Variants in ANO10 observed in about 807,000 individuals in gnomAD.
ANO10 encodes anoctamin 10.
A neutral mutation model predicts 74.7 loss-of-function variants in ANO10; 77 were observed. The ratio of observed to expected loss-of-function variants is 1.03; its 90% CI spans 0.86 to 1.25. ANO10 has a LOEUF of 1.25. ANO10 is among the 50% of genes most tolerant of loss of function. The pLI is 0.00. For synonymous variants in ANO10, 279 were observed against 284.9 expected, an observed-to-expected ratio of 0.98 and a Z score of 0.21; for missense variants, 721 against 778.1, an observed-to-expected ratio of 0.93 and a Z score of 0.87.
At chr3:43,485,728 T>G in intron 11 of ANO10, 1 of 215,798 alleles carries the variant, frequency 4.6e-6, no homozygotes, top group Non-Finnish European at 9.5e-6. Flanking sequence ...TTCTTTGTCT[T>G]TAACTGAGAT....
In ANO10 at chr3:43,605,723, T is replaced by G; in HGVS notation, c.130A>C (p.Lys44Gln). Reference protein sequence around the residue: ...WLKNRIIAKKKDGGAQLLFRP... With the variant: ...WLKNRIIAKKQDGGAQLLFRP... The stretch of plus-strand genomic sequence containing the variant: ...TGACTATTTTACTCACCTCCATCTT[T>G]TTTTTTAGCTATAATTCTGTTTTTC... Residue 44 changes from lysine to glutamine, a missense_variant, in exon 2 of 13, where the codon AAA (lysine) becomes CAA (glutamine). Coordinates refer to ENST00000292246, the MANE Select transcript of ANO10 (RefSeq NM_018075.5). 1.9e-6 allele frequency: 3 copies of G among 1,613,640 alleles called. No individual in the cohort carries two copies. The highest frequency in any genetic ancestry group is 2.5e-6 in the Non-Finnish European group (3 of 1,179,632).
chr3:43,376,230 A>G (rs775350703), intron 12 of ANO10, among the ~76,000 whole-genome samples: 17 of 152,258 alleles, frequency 1.1e-4, no homozygotes, highest in Non-Finnish European at 2.1e-4. Flanking sequence ...AAAATAAGCC[A>G]TATCTCCTCC....
intron 1 of ANO10, among the ~76,000 whole-genome samples, chr3:43,640,760 T>C (rs369862124): frequency 1.3e-5 from 2 of 152,226 alleles, no homozygotes; most frequent in African/African-American, 4.8e-5. Flanking sequence ...AGGAACCTAA[T>C]GAATAATTAA....
chr3:43,649,278 T>C (rs2083760178), intron 1 of ANO10, among the ~76,000 whole-genome samples: 1 of 152,236 alleles, frequency 6.6e-6, no homozygotes, highest in Admixed American at 6.5e-5. Flanking sequence ...TTATGTTTTG[T>C]TTACCTCACA....
rs561689957 is a variant in ANO10 at position 43,587,659 on chromosome 3, C to T, written c.473-7187G>A. On this transcript the variant is annotated intron_variant, in intron 4 of 12. Coordinates refer to ENST00000292246, the MANE Select transcript of ANO10 (RefSeq NM_018075.5). ...AAGTAATAGACTTTGGGGGTAGCAG[C>T]TTATGGGGAAGGAAAGGAAGTTAAA... 6.6e-5 allele frequency among the ~76,000 whole-genome samples: 10 copies of T among 152,218 alleles called. No homozygotes were observed. The South Asian group carries it at 8.3e-4, about 13-fold the overall frequency.
At position 43,656,949 on chromosome 3, in the gene ANO10, G is replaced by C. The variant is rs532157374; in HGVS notation, c.-12+34568C>G. ...CCCAGGCAGAGGAGGCGCTGAGAGC[G>C]AGCAAGGGCTGTGAGGACTGCCAGC... On this transcript the variant is annotated intron_variant, in intron 1 of 3. Coordinates refer to the ANO10 transcript ENST00000413397. Among the ~76,000 whole-genome samples the C allele has an allele frequency of 2.6e-5, 4 of 152,382 alleles. No individual in the cohort carries two copies. The East Asian group carries it at 5.8e-4, about 22-fold the overall frequency.
intron 1 of ANO10, among the ~76,000 whole-genome samples, chr3:43,649,637 A>T (rs898553825): frequency 1.3e-5 from 2 of 152,226 alleles, no homozygotes; most frequent in African/African-American, 4.8e-5. Context: ...ATTTGAGCAA[A>T]GTGAAAGTAG....
intron 11 of ANO10, among the ~76,000 whole-genome samples, chr3:43,528,591 T>A (rs1018503258): frequency 1.3e-5 from 2 of 151,610 alleles, no homozygotes; most frequent in Non-Finnish European, 2.9e-5. Context: ...AATGAAAATA[T>A]AATAAGGGAC....
At chr3:43,498,382 G>T (rs1436482963) in intron 11 of ANO10, among the ~76,000 whole-genome samples, 3 of 152,214 alleles carry the variant, frequency 2.0e-5, no homozygotes, top group Non-Finnish European at 2.9e-5. Context: ...AGCTGATTGA[G>T]GGAAGAACTG....
intron 11 of ANO10, among the ~76,000 whole-genome samples, chr3:43,542,061 GA>G (rs992339795): frequency 5.3e-5 from 8 of 152,300 alleles, no homozygotes; most frequent in Middle Eastern, 3.4e-3. Context: ...GGAAAAGCAG[GA>G]AAGCCAGAAG....
chr3:43,621,208 A>C (rs929558886), intron 1 of ANO10, among the ~76,000 whole-genome samples: 4 of 152,152 alleles, frequency 2.6e-5, no homozygotes, highest in Non-Finnish European at 5.9e-5. Context: ...GCGCACACCA[A>C]TGCTGGTGCT....
At chr3:43,474,083 T>A (rs2075971186) in intron 11 of ANO10, among the ~76,000 whole-genome samples, 1 of 152,220 alleles carries the variant, frequency 6.6e-6, no homozygotes. Flanking sequence ...AGAGGCCTTT[T>A]TGGTTTTGGT....
At chr3:43,432,550 G>A in intron 12 of ANO10, 61 bp downstream of exon 12, 1 of 1,353,684 alleles carries the variant, frequency 7.4e-7, no homozygotes, top group Non-Finnish European at 1.1e-6. Context: ...TGATTCTTCT[G>A]AATTATTTTT....
intron 1 of ANO10, among the ~76,000 whole-genome samples, chr3:43,678,577 G>A (rs2084152608): frequency 6.6e-6 from 1 of 152,188 alleles, no homozygotes; most frequent in South Asian, 2.1e-4. Context: ...CCCCCTGCTT[G>A]CTCAATCGAT....
chr3:43,584,884 C>A (rs2081409755), intron 4 of ANO10, among the ~76,000 whole-genome samples: 2 of 152,098 alleles, frequency 1.3e-5, no homozygotes, highest in Non-Finnish European at 2.9e-5. Flanking sequence ...AAAGCCCTGG[C>A]CACCTTTCAG....
intron 8 of ANO10, among the ~76,000 whole-genome samples, chr3:43,563,539 A>G (rs1323934952): frequency 2.0e-5 from 3 of 151,826 alleles, no homozygotes; most frequent in African/African-American, 4.8e-5. Context: ...TATCAAACGG[A>G]CACCTGCACC....
intron 6 of ANO10, 80 bp from the exon 7 acceptor site, chr3:43,574,944 T>C (rs75223080): frequency 1.3e-4 from 154 of 1,191,290 alleles, no homozygotes; most frequent in Admixed American, 7.1e-4. Flanking sequence ...GTGAGTTGCA[T>C]TGAGGGCGGA....
At chr3:43,376,321 A>G (rs542259581) in intron 12 of ANO10, among the ~76,000 whole-genome samples, 4 of 152,318 alleles carry the variant, frequency 2.6e-5, no homozygotes, top group East Asian at 3.9e-4. Context: ...ACATCCTGAT[A>G]TGAGCATGGA....
At chr3:43,616,228 C>A (rs2083097063) in intron 1 of ANO10, among the ~76,000 whole-genome samples, 7 of 152,202 alleles carry the variant, frequency 4.6e-5, no homozygotes, top group Admixed American at 3.3e-4. Context: ...GTTAAGCCCT[C>A]GCTATCATGT....
Sources: allele counts gnomAD v4.1 joint callset (sites outside exome capture counted in the v4.1 genomes callset), GRCh38; gene constraint gnomAD v4.1.1; transcripts MANE v1.5; gene names NCBI Gene and HGNC (gene_info 2026-07-23, HGNC 2026-07-21).